HHIP: variants seen among roughly 807,000 people sequenced by gnomAD.
The protein encoded by HHIP is hedgehog-interacting protein.
HHIP carries 12 observed loss-of-function variants against 74.0 expected under a neutral mutation model. That is an observed-to-expected ratio of 0.16 (90% CI 0.10 to 0.26). The LOEUF is 0.26. HHIP is among the 10% of genes least tolerant of loss of function. The probability of loss-of-function intolerance (pLI) is 1.00; values close to 1 mark genes in which losing one functional copy is unlikely to be tolerated. For missense variants in HHIP, 788 were observed against 845.0 expected (o/e 0.93, Z 0.84); for synonymous variants, 309 against 311.6 (o/e 0.99, Z 0.09).
At chr4:144,734,950 G>T in intron 12 of HHIP, 61 bp downstream of exon 12, 1 of 1,464,402 alleles carries the variant, frequency 6.8e-7, no homozygotes, top group South Asian at 1.3e-5. Context: ...AGGTACTCAA[G>T]AACTCAACAT....
chr4:144,733,501 C>T (rs1016612596), intron 11 of HHIP, among the ~76,000 whole-genome samples: 1 of 152,094 alleles, frequency 6.6e-6, no homozygotes, highest in South Asian at 2.1e-4. Flanking sequence ...GTTCATATTG[C>T]CATAGGGACA....
In HHIP at chr4:144,738,018, A is replaced by G; in HGVS notation, c.*61A>G. ...CATTTATTTTTTATCCTGTCATTAA[A>G]AAAAAAAGACTGTTATCCTGCTACA... On this transcript the variant is annotated 3_prime_UTR_variant, in exon 13 of 13. Transcript: ENST00000296575. 6.8e-7 allele frequency: 1 copy of G among 1,466,934 alleles called. No homozygotes were observed. Among genetic ancestry groups the G allele is most frequent in the Non-Finnish European group, 9.0e-7 (1 of 1,113,140 alleles). The allele number at this position is 1,466,934 out of a possible 1,614,324, so 90.9% of individuals were successfully genotyped here.
At chr4:144,718,773 G>A in intron 10 of HHIP, 102 bp from the exon 11 acceptor site, 1 of 742,568 alleles carries the variant, frequency 1.3e-6, no homozygotes, top group Non-Finnish European at 2.4e-6. Flanking sequence ...TTTTCTTGTG[G>A]ATAGATGGAG....
rs1260858541 is a variant in HHIP at position 144,744,567 on chromosome 4, ATGTC to A, written c.*6613_*6616del. 4 of 152,214 alleles carry A rather than the reference ATGTC, an allele frequency of 2.6e-5. No homozygotes were observed. The highest frequency in any genetic ancestry group is 7.2e-5 in the African/African-American group (3 of 41,450). 9.4% of individuals were successfully genotyped at this position (152,214 alleles called of 1,614,324 possible). A position where few individuals can be genotyped will look rare whatever the true frequency, so the allele number is the denominator to read the frequency against. ...TATGTACTAGGTGAGATTTCTATAA[ATGTC>A]TGAAAAGTTACATGCATAGTCATTG... On this transcript the variant is annotated 3_prime_UTR_variant, in exon 13 of 13. Coordinates refer to ENST00000296575, the MANE Select transcript of HHIP (RefSeq NM_022475.3).
At chr4:144,672,270 A>T (rs552602817) in intron 4 of HHIP, among the ~76,000 whole-genome samples, 1 of 152,316 alleles carries the variant, frequency 6.6e-6, no homozygotes, top group South Asian at 2.1e-4. Flanking sequence ...CAATAGGTGC[A>T]TCGTCTTTCT....
intron 4 of HHIP, among the ~76,000 whole-genome samples, chr4:144,697,304 GGGATTTTTATGCTTTTT>G (rs1392962169): frequency 1.3e-5 from 2 of 151,882 alleles, no homozygotes; most frequent in Non-Finnish European, 2.9e-5. Flanking sequence ...CTTTTGAGAA[GGGATTTTTATGCTTTTT>G]GGAGGCTTAT....
rs574179213 is a variant in HHIP, at chr4:144,717,838, A to C, written c.1679-1037A>C. 8.5e-5 allele frequency among the ~76,000 whole-genome samples: 13 copies of C among 152,264 alleles called. 1 individual carries two copies. Among genetic ancestry groups the C allele is most frequent in the South Asian group, 8.3e-4 (4 of 4,828 alleles). ...TTGATGTACTTTCATGTCTTCTAAA[A>C]AGCTAAAGAAGGCACAACCCAATTT... On this transcript the variant is annotated intron_variant, in intron 10 of 12. Transcript: ENST00000296575.
At position 144,658,906 on chromosome 4, in the gene HHIP, G is replaced by C. The variant is rs200366157; in HGVS notation, c.589G>C (p.Asp197His). 11 of 1,613,112 alleles carry C rather than the reference G, an allele frequency of 6.8e-6. No homozygotes were observed. Among genetic ancestry groups the C allele is most frequent in the Non-Finnish European group, 9.3e-6 (11 of 1,179,502 alleles). The change falls in exon 3 of 13, where the codon GAC becomes CAC. Residue 197 changes from aspartate to histidine, a missense_variant. Coordinates refer to ENST00000296575, the MANE Select transcript of HHIP (RefSeq NM_022475.3). ...CAGAGGACCAGCATCTAACTACTTG[G>C]ACCAGATGGAAGAATATGACAAAGT... ...QVRGPASNYL[D>H]QMEEYDKVEE...
intron 4 of HHIP, among the ~76,000 whole-genome samples, chr4:144,705,473 C>G (rs1209524901): frequency 6.6e-6 from 1 of 152,088 alleles, no homozygotes; most frequent in African/African-American, 2.4e-5. Context: ...AGGTGATGTG[C>G]CATCAGCAGT....
At chr4:144,678,575 A>T (rs1287029739) in intron 4 of HHIP, among the ~76,000 whole-genome samples, 1 of 151,694 alleles carries the variant, frequency 6.6e-6, no homozygotes, top group Non-Finnish European at 1.5e-5. Context: ...TCGGTGTGTG[A>T]TATTCCCCTC....
At chr4:144,708,800 C>T (rs770911892) in intron 7 of HHIP, among the ~76,000 whole-genome samples, 25 of 152,142 alleles carry the variant, frequency 1.6e-4, no homozygotes, top group Non-Finnish European at 2.5e-4. Context: ...AAATGAATTG[C>T]AATTCTTGTT....
chr4:144,744,318 G>C lies in HHIP; in HGVS notation c.*6361G>C, dbSNP rs1731330325. On this transcript the variant is annotated 3_prime_UTR_variant, in exon 13 of 13. Coordinates refer to ENST00000296575, the MANE Select transcript of HHIP (RefSeq NM_022475.3). ...TTTGGTTTTATCTGTGATTTATTTT[G>C]TCCAGTATTAAGGAATGGTTATCTT... The C allele has an allele frequency of 6.6e-6, 1 of 152,018 alleles. No individual in the cohort carries two copies. Among genetic ancestry groups the C allele is most frequent in the Middle Eastern group, 3.2e-3 (1 of 316 alleles). 9.4% of individuals were successfully genotyped at this position (152,018 alleles called of 1,614,324 possible).
At chr4:144,679,140 GTT>G (rs369878904) in intron 4 of HHIP, among the ~76,000 whole-genome samples, 1 of 149,852 alleles carries the variant, frequency 6.7e-6, no homozygotes, top group African/African-American at 2.4e-5. Context: ...GGGATGATTA[GTT>G]TTTTTTTTCT....
Position 144,742,472 on chromosome 4 carries a change from T to A in HHIP, c.*4515T>A, listed in dbSNP as rs1731282804. On this transcript the variant is annotated 3_prime_UTR_variant, in exon 13 of 13. Coordinates refer to ENST00000296575, the MANE Select transcript of HHIP (RefSeq NM_022475.3). ...GCTAACAGCAGGGAAAGTTAGTAGC[T>A]ATTTCCTAGCCAAGGAACAACCTTC... 1 of 152,140 alleles carries A rather than the reference T, an allele frequency of 6.6e-6. No individual in the cohort carries two copies. Among genetic ancestry groups the A allele is most frequent in the Admixed American group, 6.6e-5 (1 of 15,264 alleles). The allele number at this position is 152,140 out of a possible 1,614,324, so 9.4% of individuals were successfully genotyped here. A position where few individuals can be genotyped will look rare whatever the true frequency, so the allele number is the denominator to read the frequency against.
intron 3 of HHIP, among the ~76,000 whole-genome samples, chr4:144,659,212 T>C (rs568193445): frequency 6.6e-6 from 1 of 152,342 alleles, no homozygotes; most frequent in East Asian, 1.9e-4. Flanking sequence ...AATTTTATGA[T>C]TGTTGTTAGT....
At chr4:144,684,619 A>C (rs930844551) in intron 4 of HHIP, among the ~76,000 whole-genome samples, 1 of 152,110 alleles carries the variant, frequency 6.6e-6, no homozygotes, top group Non-Finnish European at 1.5e-5. Context: ...CATTTGTACA[A>C]GGATATTTTA....
intron 11 of HHIP, among the ~76,000 whole-genome samples, chr4:144,725,161 T>C (rs1196771002): frequency 1.3e-5 from 2 of 152,188 alleles, no homozygotes; most frequent in African/African-American, 4.8e-5. Flanking sequence ...GATTTAATGT[T>C]GCATTAGATA....
chr4:144,663,531 G>A (rs1344714035), intron 4 of HHIP, among the ~76,000 whole-genome samples: 1 of 152,110 alleles, frequency 6.6e-6, no homozygotes, highest in African/African-American at 2.4e-5. Flanking sequence ...GCAGGTGGTT[G>A]GATACCAGTT....
At chr4:144,664,926 TA>T (rs1728820362) in intron 4 of HHIP, among the ~76,000 whole-genome samples, 1 of 152,218 alleles carries the variant, frequency 6.6e-6, no homozygotes, top group African/African-American at 2.4e-5. Context: ...ATAAACTCAT[TA>T]AAAAGTGGTA....
Sources: gnomAD v4.1 joint callset for allele counts (sites outside exome capture counted in the v4.1 genomes callset) on GRCh38, gnomAD v4.1.1 for gene constraint, MANE v1.5 for transcripts, NCBI Gene and HGNC (gene_info 2026-07-23, HGNC 2026-07-21) for gene names.